RHOJ: variants seen among roughly 807,000 people sequenced by gnomAD.
The protein encoded by RHOJ is ras homolog family member J.
In RHOJ, 11 loss-of-function variants were observed where a neutral mutation model predicts 23.4. That is an observed-to-expected ratio of 0.47 (90% CI 0.30 to 0.78). RHOJ has a LOEUF of 0.78. Among genes scored for constraint, RHOJ ranks in the 30% least tolerant of loss-of-function variants. The probability of loss-of-function intolerance (pLI) is 0.08; values close to 1 mark genes in which losing one functional copy is unlikely to be tolerated. For missense variants in RHOJ, 254 were observed against 273.4 expected (o/e 0.93, Z 0.50); for synonymous variants, 102 against 102.7 (o/e 0.99, Z 0.04).
intron 1 of RHOJ, among the ~76,000 whole-genome samples, chr14:63,234,843 A>C (rs921257553): frequency 2.6e-5 from 4 of 152,202 alleles, no homozygotes; most frequent in African/African-American, 9.7e-5. Context: ...CTTTAACCAC[A>C]ATTTATTTGG....
rs189485066 is a variant in RHOJ at position 63,207,400 on chromosome 14, C to T, written c.178+2353C>T. Among the ~76,000 whole-genome samples the T allele has an allele frequency of 3.2e-3, 484 of 152,292 alleles. 4 individuals carry two copies. Among genetic ancestry groups the T allele is most frequent in the African/African-American group, 0.011 (459 of 41,548 alleles). ...GACTTGAGTTCCTTTTACCACCACT[C>T]TCCTGGTATATGACCTGGTTGAACA... On this transcript the variant is annotated intron_variant, in intron 1 of 4. Coordinates refer to ENST00000316754, the MANE Select transcript of RHOJ (RefSeq NM_020663.5).
intron 1 of RHOJ, among the ~76,000 whole-genome samples, chr14:63,239,932 G>A (rs1411212346): frequency 3.3e-5 from 5 of 152,168 alleles, no homozygotes; most frequent in Admixed American, 6.5e-5. Context: ...CTGAAGAACC[G>A]AAATAAAAAC....
chr14:63,289,806 C>T (rs1387921849), intron 4 of RHOJ, among the ~76,000 whole-genome samples: 1 of 151,978 alleles, frequency 6.6e-6, no homozygotes, highest in East Asian at 1.9e-4. Flanking sequence ...TATGAAATAC[C>T]TTATCATTTA....
At chr14:63,244,948 A>G (rs1196423173) in intron 1 of RHOJ, among the ~76,000 whole-genome samples, 1 of 152,204 alleles carries the variant, frequency 6.6e-6, no homozygotes, top group Non-Finnish European at 1.5e-5. Flanking sequence ...ACACACTCCA[A>G]AAGCAGCACA....
chr14:63,223,158 T>A (rs149658869), intron 1 of RHOJ, among the ~76,000 whole-genome samples: 37 of 152,316 alleles, frequency 2.4e-4, no homozygotes, highest in Admixed American at 2.0e-3. Flanking sequence ...TTGGAGGCAC[T>A]TTCTCCAAGT....
chr14:63,273,315 A>G (rs1895504816), intron 2 of RHOJ, among the ~76,000 whole-genome samples: 1 of 152,200 alleles, frequency 6.6e-6, no homozygotes, highest in Admixed American at 6.5e-5. Flanking sequence ...AGCCAAATCT[A>G]TTTAGGTTGT....
intron 1 of RHOJ, among the ~76,000 whole-genome samples, chr14:63,205,288 CGT>C (rs1290304023): frequency 2.6e-5 from 4 of 152,290 alleles, no homozygotes; most frequent in Non-Finnish European, 4.4e-5. Flanking sequence ...AATACTCTGA[CGT>C]GCCCTCTAGA....
Position 63,220,976 on chromosome 14 carries a change from AC to A in RHOJ, c.178+15933del, listed in dbSNP as rs144895200. Among the ~76,000 whole-genome samples the A allele has an allele frequency of 6.4e-3, 968 of 152,242 alleles. 25 individuals are homozygous for A. In the East Asian group the frequency reaches 0.11, roughly 17 times the overall value. ...GTGTTTGGTCTCTTGAGGCAGTAAG[AC>A]CCCACAAACTTTCCTACTTCTCCTC... On this transcript the variant is annotated intron_variant, in intron 1 of 4. Coordinates refer to ENST00000316754, the MANE Select transcript of RHOJ (RefSeq NM_020663.5).
chr14:63,293,090 A>C lies in RHOJ; in HGVS notation c.*2066A>C, dbSNP rs1882301030. On this transcript the variant is annotated 3_prime_UTR_variant, in exon 5 of 5. Transcript: ENST00000316754. Reference sequence around the variant, plus strand: ...AGTCAAAGCTTGACATTTAGAGAAAACAAGGACTTTCTGCCTTTATAAATG... The same window carrying C: ...AGTCAAAGCTTGACATTTAGAGAAACCAAGGACTTTCTGCCTTTATAAATG... The C allele has an allele frequency of 6.6e-6, 1 of 152,220 alleles. No homozygotes were observed. Among genetic ancestry groups the C allele is most frequent in the African/African-American group, 2.4e-5 (1 of 41,446 alleles). 9.4% of individuals were successfully genotyped at this position (152,220 alleles called of 1,614,324 possible).
intron 1 of RHOJ, among the ~76,000 whole-genome samples, chr14:63,222,973 G>A (rs180774374): frequency 6.6e-6 from 1 of 152,276 alleles, no homozygotes; most frequent in East Asian, 1.9e-4. Flanking sequence ...AGAACACAAA[G>A]GAGCTAGGGA....
intron 1 of RHOJ, among the ~76,000 whole-genome samples, chr14:63,226,418 AAACATC>A (rs1282074172): frequency 6.6e-6 from 1 of 152,078 alleles, no homozygotes; most frequent in Non-Finnish European, 1.5e-5. Context: ...GTAAAATTGG[AAACATC>A]ACAGAAACAG....
chr14:63,278,145 T>C (rs1356645737), intron 2 of RHOJ, among the ~76,000 whole-genome samples: 2 of 152,150 alleles, frequency 1.3e-5, no homozygotes, highest in African/African-American at 4.8e-5. Context: ...GGGGTTTTTT[T>C]TGTTTTGGGT....
chr14:63,272,742 T>C (rs537751261), intron 2 of RHOJ, among the ~76,000 whole-genome samples: 36 of 152,254 alleles, frequency 2.4e-4, no homozygotes, highest in African/African-American at 7.5e-4. Context: ...TAGTTTATAA[T>C]GGGCTGGGCA....
chr14:63,290,827 T>G (rs1341619123), intron 4 of RHOJ, 51 bp from the exon 5 acceptor site: 1 of 1,556,998 alleles, frequency 6.4e-7, no homozygotes, highest in Non-Finnish European at 8.7e-7. Flanking sequence ...GATACCACTG[T>G]GCTTTTCTCT....
chr14:63,275,047 A>G (rs1407270244), intron 2 of RHOJ, among the ~76,000 whole-genome samples: 1 of 152,186 alleles, frequency 6.6e-6, no homozygotes, highest in Non-Finnish European at 1.5e-5. Context: ...TAGCACTAGC[A>G]TCACCTGGAC....
chr14:63,215,132 C>T (rs1444998106), intron 1 of RHOJ, among the ~76,000 whole-genome samples: 1 of 152,118 alleles, frequency 6.6e-6, no homozygotes, highest in Non-Finnish European at 1.5e-5. Flanking sequence ...CATGCTTTGA[C>T]CTAACATTTG....
At chr14:63,209,952 C>T (rs1594748463) in intron 1 of RHOJ, among the ~76,000 whole-genome samples, 1 of 148,092 alleles carries the variant, frequency 6.8e-6, no homozygotes, top group African/African-American at 2.5e-5. Context: ...CTTTTTTTTT[C>T]CTTTTTTTTC....
intron 1 of RHOJ, among the ~76,000 whole-genome samples, chr14:63,251,952 C>A (rs1456043416): frequency 6.6e-6 from 1 of 152,082 alleles, no homozygotes; most frequent in African/African-American, 2.4e-5. Flanking sequence ...AAAATCCCAT[C>A]TCTACTAAAA....
intron 1 of RHOJ, among the ~76,000 whole-genome samples, chr14:63,267,570 A>G (rs1304162941): frequency 1.3e-5 from 2 of 152,228 alleles, no homozygotes; most frequent in East Asian, 1.9e-4. Flanking sequence ...TGAACTGGTC[A>G]TTGAAGAAAC....
Sources: gnomAD v4.1 joint callset for allele counts (sites outside exome capture counted in the v4.1 genomes callset) on GRCh38, gnomAD v4.1.1 for gene constraint, MANE v1.5 for transcripts, NCBI Gene and HGNC (gene_info 2026-07-23, HGNC 2026-07-21) for gene names.